CACNA1C: variants seen among roughly 807,000 people sequenced by gnomAD.
CACNA1C encodes the protein calcium voltage-gated channel subunit alpha1 C, also known as voltage-dependent L-type calcium channel subunit alpha-1C.
In CACNA1C, 30 loss-of-function variants were observed where a neutral mutation model predicts 229.0. The ratio of observed to expected loss-of-function variants is 0.13; its 90% CI spans 0.10 to 0.18. The LOEUF is 0.18. Ranked by LOEUF, CACNA1C falls within the 10% of genes least tolerant of loss-of-function variation. CACNA1C has a pLI of 1.00. For missense variants in CACNA1C, 1,658 were observed against 2,845.0 expected (o/e 0.58, Z 9.49); for synonymous variants, 1,114 against 1,132.5 (o/e 0.98, Z 0.33).
At chr12:2,106,243 T>TG (rs1295453331) in intron 1 of CACNA1C, among the ~76,000 whole-genome samples, 5 of 48,174 alleles carry the variant, frequency 1.0e-4, no homozygotes, top group African/African-American at 2.6e-4. Flanking sequence ...CCACCTGAGC[T>TG]GGGCGTCCTG....
chr12:2,272,519 A>G (rs1312386754), intron 3 of CACNA1C, among the ~76,000 whole-genome samples: 5 of 152,042 alleles, frequency 3.3e-5, no homozygotes, highest in Non-Finnish European at 1.5e-5. Context: ...AAAACTGAAA[A>G]CCTGTGGATT....
chr12:2,107,876 C>T (rs968497296), intron 1 of CACNA1C, among the ~76,000 whole-genome samples: 1 of 152,242 alleles, frequency 6.6e-6, no homozygotes, highest in Non-Finnish European at 1.5e-5. Context: ...TTCTTTGTCA[C>T]CATGCTCTTC....
In CACNA1C at chr12:2,348,738, G is replaced by A. The variant is rs2097123194; in HGVS notation, c.478-100238G>A. On this transcript the variant is annotated intron_variant, in intron 3 of 46. Transcript: ENST00000399655. The surrounding 1 kb of genome is among the most constrained non-coding windows in gnomAD (Gnocchi z 4.7). ...AGAAGGAGCTGGGAATGTCTCGGGG[G>A]AAAGGTTCCTTCCTCGGGAACTGGG... Among the ~76,000 whole-genome samples, 1 of 152,150 alleles carries A rather than the reference G, an allele frequency of 6.6e-6. No individual in the cohort carries two copies. The highest frequency in any genetic ancestry group is 2.4e-5 in the African/African-American group (1 of 41,430).
At chr12:2,673,263 G>C (rs1355681236) in intron 38 of CACNA1C, among the ~76,000 whole-genome samples, 1 of 152,060 alleles carries the variant, frequency 6.6e-6, no homozygotes, top group East Asian at 1.9e-4. Context: ...ATTACCTGAG[G>C]TTGGGAGTTC....
chr12:2,578,901 T>A (rs1315913542), intron 13 of CACNA1C, among the ~76,000 whole-genome samples: 1 of 152,070 alleles, frequency 6.6e-6, no homozygotes, highest in African/African-American at 2.4e-5. Flanking sequence ...CTCTAGGAGA[T>A]CCCTGCTAGT....
chr12:2,110,973 G>A (rs981226902), intron 1 of CACNA1C, among the ~76,000 whole-genome samples: 5 of 151,914 alleles, frequency 3.3e-5, no homozygotes, highest in African/African-American at 4.8e-5. Flanking sequence ...TGTCTCACCC[G>A]AGAGGCCACA....
At chr12:2,537,918 C>T (rs1266847885) in intron 9 of CACNA1C, among the ~76,000 whole-genome samples, 3 of 152,120 alleles carry the variant, frequency 2.0e-5, no homozygotes, top group Non-Finnish European at 4.4e-5. Context: ...GGGAGTGTGC[C>T]AAAGTTCAAG....
chr12:2,396,627 C>T (rs1465145273), intron 3 of CACNA1C, among the ~76,000 whole-genome samples: 1 of 152,244 alleles, frequency 6.6e-6, no homozygotes, highest in Non-Finnish European at 1.5e-5. Flanking sequence ...GTTGTTGTCA[C>T]CAGGACTTGC....
In CACNA1C at chr12:2,163,410, G is replaced by A. The variant is rs138236771; in HGVS notation, c.477+42980G>A. Among the ~76,000 whole-genome samples, 3 of 152,158 alleles carry A rather than the reference G, an allele frequency of 2.0e-5. 1 individual carries two copies. Among genetic ancestry groups the A allele is most frequent in the Non-Finnish European group, 2.9e-5 (2 of 67,994 alleles). ...AGTAAGTAAATGGCCAAGGCAGGGT[G>A]TAATCTTTGGACTCCACACCCAGCG... On this transcript the variant is annotated intron_variant, in intron 3 of 46. Coordinates refer to ENST00000399655, the MANE Select transcript of CACNA1C (RefSeq NM_000719.7).
At position 2,677,447 on chromosome 12, in the gene CACNA1C, A is replaced by T; in HGVS notation, c.4956+226A>T. The stretch of plus-strand genomic sequence containing the variant: ...CCTCCATGGTTCTGCCTGCTGTCAT[A>T]GCCCCCAGATCTCTCAAATACTTCA... On this transcript the variant is annotated intron_variant, in intron 40 of 46. Transcript: ENST00000399655. This position sits in a 1 kb window ranked among gnomAD's most constrained non-coding sequence, Gnocchi z 7.4. 2 of 617,252 alleles carry T rather than the reference A, an allele frequency of 3.2e-6. No homozygotes were observed. Among genetic ancestry groups the T allele is most frequent in the Non-Finnish European group, 5.6e-6 (2 of 357,068 alleles). The allele number at this position is 617,252 out of a possible 1,614,324, so 38.2% of individuals were successfully genotyped here.
intron 9 of CACNA1C, among the ~76,000 whole-genome samples, chr12:2,519,356 T>TA (rs1250869431): frequency 6.6e-6 from 1 of 152,242 alleles, no homozygotes; most frequent in Non-Finnish European, 1.5e-5. Flanking sequence ...TGCCATGCTC[T>TA]AAGCTGTTGG....
intron 34 of CACNA1C, among the ~76,000 whole-genome samples, chr12:2,657,705 A>T (rs932124808): frequency 2.6e-5 from 4 of 152,192 alleles, no homozygotes; most frequent in African/African-American, 9.6e-5. Context: ...TGGCTTTAAG[A>T]AATCTAGCTC....
intron 9 of CACNA1C, among the ~76,000 whole-genome samples, chr12:2,542,876 T>C (rs1399210021): frequency 6.6e-6 from 1 of 152,172 alleles, no homozygotes; most frequent in African/African-American, 2.4e-5. Context: ...TTAAAGGATG[T>C]AATCAGTTGT....
At chr12:2,296,823 G>T (rs1174442336) in intron 3 of CACNA1C, among the ~76,000 whole-genome samples, 2 of 152,234 alleles carry the variant, frequency 1.3e-5, no homozygotes, top group South Asian at 4.1e-4. Flanking sequence ...ATGTTCCACT[G>T]CCTGAGATTT....
At chr12:2,068,047 C>T (rs968509593) in intron 1 of CACNA1C, among the ~76,000 whole-genome samples, 2 of 152,138 alleles carry the variant, frequency 1.3e-5, no homozygotes, top group Non-Finnish European at 2.9e-5. Context: ...TGTAATCCCA[C>T]AAGAAAAATG....
chr12:2,073,513 A>G (rs2062097245), intron 1 of CACNA1C, among the ~76,000 whole-genome samples: 1 of 152,210 alleles, frequency 6.6e-6, no homozygotes, highest in African/African-American at 2.4e-5. Flanking sequence ...CTGGCCCTCC[A>G]GGCCAACTTT....
intron 3 of CACNA1C, among the ~76,000 whole-genome samples, chr12:2,328,126 TTTCTCCCC>T (rs1398685311): frequency 1.3e-5 from 2 of 152,218 alleles, no homozygotes; most frequent in African/African-American, 4.8e-5. Context: ...GCTGGCTCCT[TTTCTCCCC>T]GTGCACTGAG....
rs12300095 is a variant in CACNA1C, at chr12:2,082,734, C to T, written c.49+29123C>T. Among the ~76,000 whole-genome samples the T allele has an allele frequency of 3.1e-3, 474 of 152,292 alleles. 3 individuals are homozygous for T. The highest frequency in any genetic ancestry group is 0.011 in the African/African-American group (449 of 41,550). On this transcript the variant is annotated intron_variant, in intron 1 of 46. Coordinates refer to ENST00000399655, the MANE Select transcript of CACNA1C (RefSeq NM_000719.7). ...TGGAGCCTGGGGTTGCTAAGCTACA[C>T]TGGACCCTGTTCTAGTCACACACTG...
At chr12:2,626,276 G>C (rs771061871) in intron 29 of CACNA1C, among the ~76,000 whole-genome samples, 2 of 152,232 alleles carry the variant, frequency 1.3e-5, no homozygotes, top group Non-Finnish European at 2.9e-5. Context: ...AGGGCACAAG[G>C]CAGGAGTGAC....
Sources: gnomAD v4.1 joint callset for allele counts (sites outside exome capture counted in the v4.1 genomes callset) on GRCh38, gnomAD v4.1.1 for gene constraint, Gnocchi (gnomAD v3.1) non-coding constraint, MANE v1.5 for transcripts, NCBI Gene and HGNC (gene_info 2026-07-23, HGNC 2026-07-21) for gene names.